The following OCIAD1 variants were observed in gnomAD, a reference collection of about 807,000 sequenced individuals.
OCIAD1 encodes the protein OCIA domain-containing protein 1.
In OCIAD1, 29 loss-of-function variants were observed where a neutral mutation model predicts 38.9. The observed-to-expected ratio is 0.74, with a 90% CI of 0.55 to 1.02. OCIAD1 has a LOEUF of 1.02. Among genes scored for constraint, OCIAD1 ranks in the 50% least tolerant of loss-of-function variants. The pLI, the probability that OCIAD1 is intolerant of heterozygous loss-of-function variation, is 0.00. For synonymous variants in OCIAD1, 110 were observed against 92.0 expected, an observed-to-expected ratio of 1.20 and a Z score of -1.12; for missense variants, 288 against 289.6, an observed-to-expected ratio of 0.99 and a Z score of 0.04.
intron 8 of OCIAD1, 93 bp downstream of exon 8, chr4:48,857,458 G>T: frequency 1.5e-6 from 1 of 671,806 alleles, no homozygotes; most frequent in Non-Finnish European, 2.2e-6. Flanking sequence ...ATTAATATGT[G>T]ATTTAACTCT....
intron 3 of OCIAD1, among the ~76,000 whole-genome samples, chr4:48,835,252 T>C (rs1777880791): frequency 6.6e-6 from 1 of 152,086 alleles, no homozygotes; most frequent in Non-Finnish European, 1.5e-5. Context: ...GTTTTATATG[T>C]GGTGAGACAA....
At chr4:48,853,135 T>TC (rs1779689048) in intron 7 of OCIAD1, among the ~76,000 whole-genome samples, 1 of 152,066 alleles carries the variant, frequency 6.6e-6, no homozygotes, top group Non-Finnish European at 1.5e-5. Flanking sequence ...CGCCTCGGCC[T>TC]CCCAAAGTGC....
chr4:48,849,850 A>AT (rs1342892672), intron 5 of OCIAD1, 97 bp from the exon 6 acceptor site: 28 of 981,038 alleles, frequency 2.9e-5, no homozygotes, highest in Non-Finnish European at 3.9e-5. Flanking sequence ...CCAAAGACTT[A>AT]TTTAGAATCA....
chr4:48,815,150 A>T (rs1184171886), intron 1 of OCIAD1, among the ~76,000 whole-genome samples: 1 of 152,076 alleles, frequency 6.6e-6, no homozygotes, highest in Non-Finnish European at 1.5e-5. Context: ...CATCTCTACT[A>T]AAAATACAAA....
rs1779301567 is a variant in OCIAD1, at chr4:48,850,091, G to T, written c.377+9G>T. On this transcript the variant is annotated intron_variant, in intron 6 of 8. Coordinates refer to ENST00000264312, the MANE Select transcript of OCIAD1 (RefSeq NM_017830.4). ...CGATCTTCACCACCTGGGTAGGCCA[G>T]ATTCTGATCTTTACTTAAGATTTTT... is the stretch of plus-strand genomic sequence containing the variant. 6.2e-7 allele frequency: 1 copy of T among 1,607,908 alleles called. No homozygotes were observed. Among genetic ancestry groups the T allele is most frequent in the Non-Finnish European group, 8.5e-7 (1 of 1,178,440 alleles).
rs1780562968 is a variant in OCIAD1, at chr4:48,861,078, A to G, written c.*316A>G. On this transcript the variant is annotated 3_prime_UTR_variant, in exon 9 of 9. Transcript: ENST00000264312. ...GAGATTACAATGCTCTAGAATCAGC[A>G]TATAAGAAAATAAATGATATCTGCA... is the stretch of plus-strand genomic sequence containing the variant. 4.0e-6 allele frequency: 1 copy of G among 251,322 alleles called. No homozygotes were observed. Among genetic ancestry groups the G allele is most frequent in the Non-Finnish European group, 7.5e-6 (1 of 133,302 alleles). 15.6% of individuals were successfully genotyped at this position (251,322 alleles called of 1,614,324 possible).
chr4:48,832,275 C>T (rs1427169157), intron 1 of OCIAD1, among the ~76,000 whole-genome samples: 1 of 152,040 alleles, frequency 6.6e-6, no homozygotes, highest in Admixed American at 6.5e-5. Context: ...ATTCGAGAAA[C>T]GACCAAAACA....
At chr4:48,844,102 A>T (rs965325952) in intron 4 of OCIAD1, among the ~76,000 whole-genome samples, 5 of 152,154 alleles carry the variant, frequency 3.3e-5, no homozygotes, top group African/African-American at 7.2e-5. Flanking sequence ...GATGGGCAGG[A>T]TTTAGATTAA....
intron 8 of OCIAD1, among the ~76,000 whole-genome samples, chr4:48,859,831 T>A (rs979038851): frequency 6.6e-6 from 1 of 152,108 alleles, no homozygotes; most frequent in Non-Finnish European, 1.5e-5. Context: ...CCCAGAAATT[T>A]AAAAAATTCA....
intron 1 of OCIAD1, among the ~76,000 whole-genome samples, chr4:48,819,740 A>AAAAAAAAAAAAAAAAAAAAG (rs1381189214): frequency 6.9e-6 from 1 of 145,454 alleles, no homozygotes; most frequent in African/African-American, 2.5e-5. Flanking sequence ...AAAAAAAAAA[A>AAAAAAAAAAAAAAAAAAAAG]AAAAGGAGGG....
intron 1 of OCIAD1, among the ~76,000 whole-genome samples, chr4:48,820,900 AG>A (rs1777187006): frequency 6.6e-6 from 1 of 152,202 alleles, no homozygotes; most frequent in African/African-American, 2.4e-5. Context: ...AAATTGAGGC[AG>A]TAATTAATAG....
At chr4:48,836,445 C>A (rs1430545794) in intron 3 of OCIAD1, among the ~76,000 whole-genome samples, 1 of 152,170 alleles carries the variant, frequency 6.6e-6, no homozygotes, top group Non-Finnish European at 1.5e-5. Context: ...GTTTTGAGTT[C>A]ATGGTGCAAC....
At chr4:48,835,222 C>G (rs994560880) in intron 3 of OCIAD1, among the ~76,000 whole-genome samples, 1 of 152,206 alleles carries the variant, frequency 6.6e-6, no homozygotes, top group Admixed American at 6.5e-5. Context: ...GTGTGAGCCA[C>G]TGCGCCTGGC....
chr4:48,858,448 G>A (rs1780296790), intron 8 of OCIAD1, among the ~76,000 whole-genome samples: 2 of 151,964 alleles, frequency 1.3e-5, no homozygotes, highest in African/African-American at 4.8e-5. Context: ...GTGTTTTTTT[G>A]TTCTGTTTGT....
At chr4:48,817,553 G>T (rs1360995900) in intron 1 of OCIAD1, among the ~76,000 whole-genome samples, 2 of 152,226 alleles carry the variant, frequency 1.3e-5, no homozygotes, top group African/African-American at 4.8e-5. Context: ...TACCCCAGTG[G>T]GGCCTGGAAC....
chr4:48,846,915 A>G (rs1779029600), intron 4 of OCIAD1, among the ~76,000 whole-genome samples: 1 of 152,224 alleles, frequency 6.6e-6, no homozygotes, highest in Non-Finnish European at 1.5e-5. Flanking sequence ...CAGTTTATCT[A>G]TCTGAACTGT....
intron 1 of OCIAD1, among the ~76,000 whole-genome samples, chr4:48,824,911 T>A (rs1579037305): frequency 6.6e-6 from 1 of 152,066 alleles, no homozygotes; most frequent in Middle Eastern, 3.4e-3. Flanking sequence ...AATTTTTGTA[T>A]TTTTAGTAGA....
At chr4:48,843,889 A>G (rs146057213) in intron 4 of OCIAD1, among the ~76,000 whole-genome samples, 1 of 152,360 alleles carries the variant, frequency 6.6e-6, no homozygotes, top group Non-Finnish European at 1.5e-5. Flanking sequence ...TACACAAAAG[A>G]ATTTAATAGC....
At chr4:48,838,284 C>T (rs1778188178) in intron 3 of OCIAD1, among the ~76,000 whole-genome samples, 1 of 150,896 alleles carries the variant, frequency 6.6e-6, no homozygotes, top group Non-Finnish European at 1.5e-5. Flanking sequence ...TGCCACTGCA[C>T]TCCAGCCTGG....
Sources: gnomAD v4.1 joint callset for allele counts (sites outside exome capture counted in the v4.1 genomes callset) on GRCh38, gnomAD v4.1.1 for gene constraint, MANE v1.5 for transcripts, NCBI Gene and HGNC (gene_info 2026-07-23, HGNC 2026-07-21) for gene names.